GPC5: variants seen among roughly 807,000 people sequenced by gnomAD.
The protein encoded by GPC5 is glypican 5.
GPC5 carries 47 observed loss-of-function variants against 53.9 expected under a neutral mutation model. That is an observed-to-expected ratio of 0.87 (90% CI 0.69 to 1.11). GPC5 has a LOEUF of 1.11. Among genes scored for constraint, GPC5 ranks in the 50% most tolerant of loss-of-function variants. The pLI is 0.00. For missense variants in GPC5, 748 were observed against 713.1 expected (o/e 1.05, Z -0.56); for synonymous variants, 286 against 263.3 (o/e 1.09, Z -0.84).
chr13:92,240,449 A>G (rs1014391396), intron 7 of GPC5: 11 of 152,146 alleles, frequency 7.2e-5, no homozygotes, highest in African/African-American at 2.2e-4. Context: ...CAGTTAAAGA[A>G]TCTGTTAAAA....
chr13:91,484,176 A>C (rs1202319467), intron 2 of GPC5, among the ~76,000 whole-genome samples: 2 of 152,138 alleles, frequency 1.3e-5, no homozygotes, highest in African/African-American at 4.8e-5. Context: ...GTTAATTTTC[A>C]TTGCATTGAA....
At chr13:92,382,420 G>A (rs1215109690) in intron 7 of GPC5, among the ~76,000 whole-genome samples, 5 of 152,088 alleles carry the variant, frequency 3.3e-5, no homozygotes, top group African/African-American at 4.8e-5. Flanking sequence ...TAATGTGAAT[G>A]GGGATTTAGG....
chr13:92,119,671 C>T lies in GPC5; in HGVS notation c.1402-25159C>T, dbSNP rs1267438630. On this transcript the variant is annotated intron_variant, in intron 6 of 7. Coordinates refer to ENST00000377067, the MANE Select transcript of GPC5 (RefSeq NM_004466.6). The stretch of plus-strand genomic sequence containing the variant: ...TCCTGACCTCGTGATCCGCCCGCTT[C>T]GGCCTCCCAAAGTGCTGGGAGAATT... Among the ~76,000 whole-genome samples, 6 of 145,258 alleles carry T rather than the reference C, an allele frequency of 4.1e-5. No individual in the cohort carries two copies. The East Asian group carries it at 6.1e-4, about 15-fold the overall frequency.
In GPC5 at chr13:92,710,762, T is replaced by A. The variant is rs115746422; in HGVS notation, c.1562-155520T>A. ...AGCTCTTGGGAGAGACTGATAAAAG[T>A]GGTCAGGGGATCAAGCTTTGTGAAA... On this transcript the variant is annotated intron_variant, in intron 7 of 7. Transcript: ENST00000377067. Among the ~76,000 whole-genome samples, 1,003 of 152,180 alleles carry A rather than the reference T, an allele frequency of 6.6e-3. 10 individuals carry two copies. Among genetic ancestry groups the A allele is most frequent in the African/African-American group, 0.023 (960 of 41,518 alleles).
chr13:92,458,978 C>A (rs1878380037), intron 7 of GPC5, among the ~76,000 whole-genome samples: 1 of 152,086 alleles, frequency 6.6e-6, no homozygotes. Flanking sequence ...TTAATATATG[C>A]ACCCTAATAT....
chr13:92,278,723 G>T (rs1190069110), intron 7 of GPC5, among the ~76,000 whole-genome samples: 6 of 151,960 alleles, frequency 3.9e-5, no homozygotes, highest in African/African-American at 1.4e-4. Flanking sequence ...TGAGGAAGGG[G>T]TTCAACTTTA....
chr13:92,756,976 A>C (rs1874908203), intron 7 of GPC5, among the ~76,000 whole-genome samples: 1 of 152,062 alleles, frequency 6.6e-6, no homozygotes. Flanking sequence ...AATTGGAAAA[A>C]ACTATTTTAA....
At chr13:91,909,514 A>T (rs2039589295) in intron 6 of GPC5, among the ~76,000 whole-genome samples, 1 of 152,176 alleles carries the variant, frequency 6.6e-6, no homozygotes, top group East Asian at 1.9e-4. Flanking sequence ...ATTCTTTTAT[A>T]TTACTTTGGT....
intron 2 of GPC5, among the ~76,000 whole-genome samples, chr13:91,591,735 A>G (rs1256734057): frequency 6.6e-6 from 1 of 152,110 alleles, no homozygotes; most frequent in Non-Finnish European, 1.5e-5. Flanking sequence ...TGCTGTTAAT[A>G]CTTTTGATTG....
intron 7 of GPC5, among the ~76,000 whole-genome samples, chr13:92,174,647 C>T (rs931509920): frequency 2.0e-5 from 3 of 152,022 alleles, no homozygotes; most frequent in African/African-American, 4.8e-5. Flanking sequence ...TTAAAAACAG[C>T]AAAAAGTATT....
intron 2 of GPC5, among the ~76,000 whole-genome samples, chr13:91,601,184 C>T (rs1173686001): frequency 6.6e-6 from 1 of 152,040 alleles, no homozygotes; most frequent in Non-Finnish European, 1.5e-5. Flanking sequence ...AACAACCAAT[C>T]AACAATTATT....
chr13:91,965,243 G>C (rs759300994), intron 6 of GPC5, among the ~76,000 whole-genome samples: 5 of 151,890 alleles, frequency 3.3e-5, no homozygotes, highest in African/African-American at 4.8e-5. Context: ...ATATAAAAAA[G>C]CACCTAGAAT....
chr13:92,751,454 A>G (rs1427804979), intron 7 of GPC5, among the ~76,000 whole-genome samples: 3 of 152,000 alleles, frequency 2.0e-5, no homozygotes, highest in Admixed American at 1.3e-4. Context: ...CAACAAATGC[A>G]GGAAGAATTC....
intron 7 of GPC5, among the ~76,000 whole-genome samples, chr13:92,676,926 C>T (rs115463972): frequency 0.016 from 2,417 of 152,080 alleles, 71 homozygotes; most frequent in African/African-American, 0.056. Flanking sequence ...TACACACACA[C>T]ACACAAATGT....
rs554852965 is a variant in GPC5 at position 92,624,375 on chromosome 13, A to G, written c.1562-241907A>G. 3.9e-5 allele frequency among the ~76,000 whole-genome samples: 6 copies of G among 152,266 alleles called. No individual in the cohort carries two copies. The East Asian group carries it at 1.2e-3, about 29-fold the overall frequency. ...ATGAGCCACTGCGCCCAGCCTGTTCAAATTTAAATCTAGTGAAAAATGTCC... is the reference window on the plus strand; with the variant it reads ...ATGAGCCACTGCGCCCAGCCTGTTCGAATTTAAATCTAGTGAAAAATGTCC... On this transcript the variant is annotated intron_variant, in intron 7 of 7. Coordinates refer to ENST00000377067, the MANE Select transcript of GPC5 (RefSeq NM_004466.6).
At chr13:91,737,609 A>C (rs1376474530) in intron 4 of GPC5, among the ~76,000 whole-genome samples, 3 of 151,586 alleles carry the variant, frequency 2.0e-5, no homozygotes, top group Non-Finnish European at 4.4e-5. Context: ...TTTACATTAT[A>C]AATAAGGCAT....
At chr13:92,796,638 C>T (rs1041867725) in intron 7 of GPC5, among the ~76,000 whole-genome samples, 5 of 151,886 alleles carry the variant, frequency 3.3e-5, no homozygotes, top group African/African-American at 1.2e-4. Context: ...CCTTACCATC[C>T]ACCTTATTCA....
chr13:91,583,071 T>A (rs1354141134), intron 2 of GPC5, among the ~76,000 whole-genome samples: 1 of 152,114 alleles, frequency 6.6e-6, no homozygotes, highest in African/African-American at 2.4e-5. Flanking sequence ...AGAAGTCCAT[T>A]TGATAAAGAT....
chr13:92,613,272 T>TA (rs1412628771), intron 7 of GPC5, among the ~76,000 whole-genome samples: 1 of 123,732 alleles, frequency 8.1e-6, no homozygotes, highest in Non-Finnish European at 1.6e-5. Flanking sequence ...TATATATAAA[T>TA]TATATAATAT....
Sources: gnomAD v4.1 joint callset for allele counts (sites outside exome capture counted in the v4.1 genomes callset) on GRCh38, gnomAD v4.1.1 for gene constraint, MANE v1.5 for transcripts, NCBI Gene and HGNC (gene_info 2026-07-23, HGNC 2026-07-21) for gene names.